The following KAZN variants were observed in gnomAD, a reference collection of about 807,000 sequenced individuals.
KAZN encodes kazrin, periplakin interacting protein, also known as kazrin.
In KAZN, 40 loss-of-function variants were observed where a neutral mutation model predicts 87.4. The observed-to-expected ratio is 0.46, with a 90% CI of 0.36 to 0.60. The LOEUF is 0.60. KAZN is among the 20% of genes least tolerant of loss of function. The pLI is 0.00. For synonymous variants in KAZN, 466 were observed against 458.3 expected (o/e 1.02, Z -0.22); for missense variants, 898 against 1,073.9 (o/e 0.84, Z 2.29).
chr1:14,052,701 A>G (rs1642391396), intron 1 of KAZN, among the ~76,000 whole-genome samples: 1 of 152,174 alleles, frequency 6.6e-6, no homozygotes, highest in African/African-American at 2.4e-5. Flanking sequence ...AGAGCAGCAA[A>G]AGGAGACTGA....
At position 14,474,584 on chromosome 1, in the gene KAZN, G is replaced by A. The variant is rs74059533; in HGVS notation, c.250-124399G>A. The stretch of plus-strand genomic sequence containing the variant: ...AGAGTAACCTGTGTGAGAGGTGGTC[G>A]GAAGGACAACCAGAGCAGTCTTAAA... On this transcript the variant is annotated intron_variant, in intron 2 of 16. Coordinates refer to the KAZN transcript ENST00000636203. Among the ~76,000 whole-genome samples, 260 of 152,262 alleles carry A rather than the reference G, an allele frequency of 1.7e-3. 2 individuals are homozygous for A. The highest frequency in any genetic ancestry group is 6.0e-3 in the African/African-American group (251 of 41,534).
intron 1 of KAZN, among the ~76,000 whole-genome samples, chr1:14,086,553 C>A (rs1214439932): frequency 6.6e-6 from 1 of 152,096 alleles, no homozygotes; most frequent in South Asian, 2.1e-4. Context: ...TCAATTGTTT[C>A]TTTTATATTT....
chr1:14,068,833 T>C (rs12079570), intron 1 of KAZN, among the ~76,000 whole-genome samples: 23,847 of 150,174 alleles, frequency 0.16, 2,372 homozygotes, highest in African/African-American at 0.26. Flanking sequence ...GAGTCTTGTC[T>C]GTCACCCAGG....
chr1:14,824,330 G>T (rs1646821734), intron 1 of KAZN, among the ~76,000 whole-genome samples: 3 of 152,122 alleles, frequency 2.0e-5, no homozygotes, highest in Non-Finnish European at 4.4e-5. Flanking sequence ...GGAGACCCTT[G>T]GGTTAGAACT....
chr1:14,362,200 C>T (rs113375391), intron 2 of KAZN, among the ~76,000 whole-genome samples: 3,596 of 152,314 alleles, frequency 0.024, 137 homozygotes, highest in African/African-American at 0.081. Context: ...GGGGTCTCAT[C>T]TGAAGGCTTG....
At chr1:14,696,041 T>C (rs1176620181) in intron 1 of KAZN, among the ~76,000 whole-genome samples, 1 of 152,246 alleles carries the variant, frequency 6.6e-6, no homozygotes, top group African/African-American at 2.4e-5. Flanking sequence ...ATTAATTTTG[T>C]ATGCAGAGTA....
At chr1:13,948,994 C>T (rs895365061) in intron 1 of KAZN, among the ~76,000 whole-genome samples, 7 of 152,262 alleles carry the variant, frequency 4.6e-5, no homozygotes, top group East Asian at 1.9e-4. Context: ...GCCTCTCTGA[C>T]GTACCCAGCA....
chr1:14,254,072 A>G (rs888796060), intron 2 of KAZN, among the ~76,000 whole-genome samples: 1 of 152,048 alleles, frequency 6.6e-6, no homozygotes, highest in African/African-American at 2.4e-5. Flanking sequence ...AAACATAAAA[A>G]TCTGTTCTAT....
intron 1 of KAZN, among the ~76,000 whole-genome samples, chr1:14,074,164 A>G (rs1200457142): frequency 6.6e-6 from 1 of 152,166 alleles, no homozygotes; most frequent in African/African-American, 2.4e-5. Context: ...TAAGTGAAAT[A>G]TGTTCCATCC....
intron 2 of KAZN, among the ~76,000 whole-genome samples, chr1:14,209,812 C>T (rs1008982140): frequency 6.6e-6 from 1 of 152,190 alleles, no homozygotes; most frequent in Admixed American, 6.5e-5. Context: ...GCCTACATCA[C>T]TGTGTCCCCA....
chr1:14,916,035 T>C (rs565234373), intron 1 of KAZN, among the ~76,000 whole-genome samples: 2 of 152,266 alleles, frequency 1.3e-5, no homozygotes, highest in South Asian at 4.1e-4. Context: ...ATGATAATAA[T>C]AGTACACTTA....
chr1:14,453,927 C>A (rs879558437), intron 2 of KAZN, among the ~76,000 whole-genome samples: 3 of 152,154 alleles, frequency 2.0e-5, no homozygotes, highest in Non-Finnish European at 2.9e-5. Flanking sequence ...TCCACTATGG[C>A]ATCTTCTATT....
chr1:14,212,165 A>G (rs910106001), intron 2 of KAZN, among the ~76,000 whole-genome samples: 1 of 152,148 alleles, frequency 6.6e-6, no homozygotes, highest in Non-Finnish European at 1.5e-5. Flanking sequence ...TAAAGCCAAA[A>G]CAGCACCAGT....
At chr1:14,286,560 A>G (rs565409098) in intron 2 of KAZN, among the ~76,000 whole-genome samples, 1 of 152,374 alleles carries the variant, frequency 6.6e-6, no homozygotes, top group South Asian at 2.1e-4. Context: ...CTTAATAAAT[A>G]TTAGCCATTA....
intron 1 of KAZN, among the ~76,000 whole-genome samples, chr1:14,725,642 C>A (rs757851597): frequency 1.1e-4 from 17 of 152,126 alleles, no homozygotes; most frequent in Non-Finnish European, 1.9e-4. Context: ...GTGTTGCCCA[C>A]GTTCATTGCC....
intron 1 of KAZN, among the ~76,000 whole-genome samples, chr1:14,676,034 T>A (rs1640198244): frequency 6.6e-6 from 1 of 151,668 alleles, no homozygotes; most frequent in Admixed American, 6.6e-5. Flanking sequence ...TGACCGGACG[T>A]GTTGGGAATG....
intron 2 of KAZN, among the ~76,000 whole-genome samples, chr1:14,500,011 G>A (rs1004051249): frequency 6.6e-6 from 1 of 152,166 alleles, no homozygotes; most frequent in African/African-American, 2.4e-5. Context: ...AACGTGAATA[G>A]AATAAGTGAA....
intron 1 of KAZN, among the ~76,000 whole-genome samples, chr1:14,756,705 C>T (rs1644576899): frequency 6.6e-6 from 1 of 152,184 alleles, no homozygotes; most frequent in African/African-American, 2.4e-5. Context: ...CTCTTCAACT[C>T]CCCAGGTCTG....
At chr1:14,911,871 G>C (rs994211075) in intron 1 of KAZN, among the ~76,000 whole-genome samples, 1 of 152,260 alleles carries the variant, frequency 6.6e-6, no homozygotes. Context: ...GAAAAGCCTC[G>C]GCCAGGCACG....
Sources: allele counts gnomAD v4.1 joint callset (sites outside exome capture counted in the v4.1 genomes callset), GRCh38; gene constraint gnomAD v4.1.1; transcripts MANE v1.5; gene names NCBI Gene and HGNC (gene_info 2026-07-23, HGNC 2026-07-21).